The following EVI5 variants were observed in gnomAD, a reference collection of about 807,000 sequenced individuals.
The protein encoded by EVI5 is ecotropic viral integration site 5 protein homolog.
EVI5 carries 73 observed loss-of-function variants against 112.0 expected under a neutral mutation model. That is an observed-to-expected ratio of 0.65 (90% CI 0.54 to 0.79). EVI5 has a LOEUF of 0.79. EVI5 is among the 30% of genes least tolerant of loss of function. The pLI, the probability that EVI5 is intolerant of heterozygous loss-of-function variation, is 0.00. For synonymous variants in EVI5, 305 were observed against 319.9 expected, an observed-to-expected ratio of 0.95 and a Z score of 0.50; for missense variants, 900 against 968.8, an observed-to-expected ratio of 0.93 and a Z score of 0.94.
At chr1:92,736,679 C>T in intron 1 of EVI5, 52 bp from the exon 2 acceptor site, 1 of 1,115,534 alleles carries the variant, frequency 9.0e-7, no homozygotes, top group Non-Finnish European at 1.4e-6. Flanking sequence ...GTATTCATTA[C>T]CGAGAACTTA....
intron 13 of EVI5, among the ~76,000 whole-genome samples, chr1:92,660,508 T>C (rs145767698): frequency 1.1e-3 from 163 of 152,088 alleles, no homozygotes; most frequent in African/African-American, 4.1e-4. Context: ...TGGTGTTACA[T>C]TGCACAGTAG....
chr1:92,631,008 T>C (rs1210954147), intron 14 of EVI5, among the ~76,000 whole-genome samples: 1 of 151,546 alleles, frequency 6.6e-6, no homozygotes, highest in Non-Finnish European at 1.5e-5. Flanking sequence ...TGAGGGCTGT[T>C]CCATTGGTCT....
intron 1 of EVI5, among the ~76,000 whole-genome samples, chr1:92,767,541 A>T (rs1682825824): frequency 1.3e-5 from 2 of 152,216 alleles, no homozygotes; most frequent in Admixed American, 6.5e-5. Flanking sequence ...ATGTTCTCTT[A>T]ATCAAAACTG....
chr1:92,708,649 A>G (rs1396991680), intron 2 of EVI5, among the ~76,000 whole-genome samples: 1 of 152,168 alleles, frequency 6.6e-6, no homozygotes, highest in East Asian at 1.9e-4. Context: ...TATATCCATC[A>G]AAAACTTATA....
chr1:92,766,500 G>A (rs1487849983), intron 1 of EVI5, among the ~76,000 whole-genome samples: 2 of 152,080 alleles, frequency 1.3e-5, no homozygotes, highest in Admixed American at 1.3e-4. Context: ...TGTTAAGTAT[G>A]CTCAACAGCA....
At chr1:92,647,468 A>T (rs568867866) in intron 13 of EVI5, 4 of 444,210 alleles carry the variant, frequency 9.0e-6, no homozygotes, top group African/African-American at 4.0e-5. Context: ...ATTTCACCAC[A>T]TTTAGGATTC....
At chr1:92,605,531 T>G (rs531026561) in intron 17 of EVI5, 129 bp from the exon 18 acceptor site, 17 of 621,538 alleles carry the variant, frequency 2.7e-5, no homozygotes, top group Non-Finnish European at 2.3e-5. Flanking sequence ...GCATCCATAA[T>G]GAAACAATAT....
At chr1:92,651,633 C>T (rs549700648) in intron 13 of EVI5, among the ~76,000 whole-genome samples, 5 of 150,108 alleles carry the variant, frequency 3.3e-5, no homozygotes, top group African/African-American at 7.4e-5. Context: ...GGGCGGATCA[C>T]GAGGTCAGGA....
At chr1:92,690,074 C>G (rs752494178) in intron 9 of EVI5, among the ~76,000 whole-genome samples, 4 of 151,952 alleles carry the variant, frequency 2.6e-5, no homozygotes, top group Non-Finnish European at 5.9e-5. Context: ...GATGGGGTCT[C>G]GCTATGTTGC....
At chr1:92,595,393 C>A (rs1374997870) in intron 18 of EVI5, among the ~76,000 whole-genome samples, 2 of 151,822 alleles carry the variant, frequency 1.3e-5, no homozygotes, top group African/African-American at 4.8e-5. Context: ...GGAAGGGGAA[C>A]ATCACACACC....
At chr1:92,780,795 C>T (rs1684758548) in intron 1 of EVI5, among the ~76,000 whole-genome samples, 1 of 151,554 alleles carries the variant, frequency 6.6e-6, no homozygotes, top group Non-Finnish European at 1.5e-5. Flanking sequence ...GATCATGTTA[C>T]TGCACTCCAG....
At chr1:92,620,677 T>C (rs1413102951) in intron 16 of EVI5, among the ~76,000 whole-genome samples, 1 of 152,058 alleles carries the variant, frequency 6.6e-6, no homozygotes, top group African/African-American at 2.4e-5. Flanking sequence ...AAATATATCT[T>C]TTAAAATTGA....
At chr1:92,684,310 G>T (rs186466239) in intron 9 of EVI5, among the ~76,000 whole-genome samples, 15 of 152,240 alleles carry the variant, frequency 9.9e-5, no homozygotes, top group Non-Finnish European at 1.3e-4. Context: ...CTAAGCTTCA[G>T]AAGTGAAGGA....
intron 2 of EVI5, among the ~76,000 whole-genome samples, chr1:92,710,266 C>T (rs1188193399): frequency 6.6e-6 from 1 of 151,618 alleles, no homozygotes; most frequent in East Asian, 1.9e-4. Context: ...TCGCCTGAGC[C>T]CCGGAAGTTG....
intron 9 of EVI5, among the ~76,000 whole-genome samples, chr1:92,682,265 C>T (rs1054978618): frequency 6.6e-6 from 1 of 152,128 alleles, no homozygotes; most frequent in African/African-American, 2.4e-5. Flanking sequence ...AGTATCTTAC[C>T]GGCCTGTGAG....
chr1:92,574,242 T>A (rs1202092759), intron 18 of EVI5, among the ~76,000 whole-genome samples: 1 of 152,162 alleles, frequency 6.6e-6, no homozygotes, highest in African/African-American at 2.4e-5. Context: ...GTGTCACATA[T>A]TCTGTTTGTT....
intron 10 of EVI5, among the ~76,000 whole-genome samples, chr1:92,676,040 A>C (rs963538492): frequency 1.6e-4 from 24 of 151,426 alleles, no homozygotes; most frequent in African/African-American, 5.1e-4. Flanking sequence ...AAAAAAAGGA[A>C]GGAAAAAACA....
intron 18 of EVI5, among the ~76,000 whole-genome samples, chr1:92,595,889 A>AGG (rs1647680764): frequency 6.6e-6 from 1 of 152,262 alleles, no homozygotes; most frequent in Non-Finnish European, 1.5e-5. Flanking sequence ...GGAAGCTGTC[A>AGG]ATATGCTATT....
At chr1:92,700,827 T>C (rs2102523037) in intron 5 of EVI5, 1 of 152,320 alleles carries the variant, frequency 6.6e-6, no homozygotes, top group South Asian at 2.1e-4. Flanking sequence ...AGTTCAATAA[T>C]GAAGGATCTA....
Sources: allele counts gnomAD v4.1 joint callset (sites outside exome capture counted in the v4.1 genomes callset), GRCh38; gene constraint gnomAD v4.1.1; transcripts MANE v1.5; gene names NCBI Gene and HGNC (gene_info 2026-07-23, HGNC 2026-07-21).